Variants in GALNT17 observed in about 807,000 individuals in gnomAD.
The protein encoded by GALNT17 is UDP-GalNAc:polypeptide N-acetylgalactosaminyltransferase-like 3.
In GALNT17, 29 loss-of-function variants were observed where a neutral mutation model predicts 63.7. The observed-to-expected ratio is 0.46, with a 90% CI of 0.34 to 0.62. GALNT17 has a LOEUF of 0.62. GALNT17 is among the 20% of genes least tolerant of loss of function. GALNT17 has a pLI of 0.01. For missense variants in GALNT17, 603 were observed against 799.6 expected (o/e 0.75, Z 2.97); for synonymous variants, 305 against 318.3 (o/e 0.96, Z 0.45).
intron 1 of GALNT17, among the ~76,000 whole-genome samples, chr7:71,189,402 G>A (rs1026823631): frequency 6.6e-6 from 1 of 152,172 alleles, no homozygotes; most frequent in Non-Finnish European, 1.5e-5. Context: ...AGCTTTTCCG[G>A]GGGTCCTTCA....
intron 5 of GALNT17, among the ~76,000 whole-genome samples, chr7:71,566,941 C>T (rs1023715877): frequency 2.6e-5 from 4 of 152,110 alleles, no homozygotes; most frequent in African/African-American, 4.8e-5. Flanking sequence ...CTCAATCATC[C>T]GTGTGCATGG....
chr7:71,249,986 A>C (rs1345592334), intron 1 of GALNT17, among the ~76,000 whole-genome samples: 1 of 152,230 alleles, frequency 6.6e-6, no homozygotes, highest in East Asian at 1.9e-4. Context: ...AGGCGTTTAA[A>C]AGCCTAGAAA....
At chr7:71,482,376 C>T (rs1354605791) in intron 5 of GALNT17, among the ~76,000 whole-genome samples, 1 of 152,144 alleles carries the variant, frequency 6.6e-6, no homozygotes, top group South Asian at 2.1e-4. Context: ...CCTCCAACGC[C>T]TGACCTCATG....
chr7:71,578,622 G>A (rs796940774), intron 6 of GALNT17, among the ~76,000 whole-genome samples: 1 of 152,106 alleles, frequency 6.6e-6, no homozygotes, highest in South Asian at 2.1e-4. Context: ...GACCACAGCC[G>A]TGAGCCACTG....
intron 6 of GALNT17, among the ~76,000 whole-genome samples, chr7:71,578,976 A>C (rs1789583675): frequency 6.6e-6 from 1 of 152,202 alleles, no homozygotes; most frequent in Non-Finnish European, 1.5e-5. Context: ...AATTTGCTAC[A>C]TCCATTGAAT....
chr7:71,421,616 A>C (rs956803562), intron 5 of GALNT17, among the ~76,000 whole-genome samples: 1 of 151,996 alleles, frequency 6.6e-6, no homozygotes, highest in Non-Finnish European at 1.5e-5. Context: ...GGATATGGAG[A>C]TCAATATCTT....
intron 3 of GALNT17, among the ~76,000 whole-genome samples, chr7:71,409,051 C>T (rs375662663): frequency 6.7e-6 from 1 of 149,032 alleles, no homozygotes; most frequent in African/African-American, 2.5e-5. Flanking sequence ...CACACACACA[C>T]ATTTAAATAT....
intron 3 of GALNT17, among the ~76,000 whole-genome samples, chr7:71,395,331 T>G (rs1409875761): frequency 6.6e-6 from 1 of 152,232 alleles, no homozygotes; most frequent in Non-Finnish European, 1.5e-5. Flanking sequence ...AAATGAAATC[T>G]ACAACATGTG....
chr7:71,618,198 A>G (rs2867476), intron 6 of GALNT17, among the ~76,000 whole-genome samples: 17,837 of 152,164 alleles, frequency 0.12, 1,535 homozygotes, highest in East Asian at 0.49. Flanking sequence ...TATGTAACAC[A>G]TTTCCTTTAT....
At chr7:71,329,346 A>T (rs2116052702) in intron 1 of GALNT17, among the ~76,000 whole-genome samples, 1 of 152,254 alleles carries the variant, frequency 6.6e-6, no homozygotes, top group South Asian at 2.1e-4. Flanking sequence ...GTAGTCTTTT[A>T]GCTGTCTTTT....
chr7:71,591,353 C>T (rs1056270045), intron 6 of GALNT17, among the ~76,000 whole-genome samples: 11 of 152,128 alleles, frequency 7.2e-5, no homozygotes, highest in African/African-American at 2.7e-4. Context: ...ACCACCACGC[C>T]TGGCTCTAGG....
chr7:71,450,349 G>C (rs377487286), intron 5 of GALNT17, among the ~76,000 whole-genome samples: 3 of 151,908 alleles, frequency 2.0e-5, no homozygotes, highest in African/African-American at 7.2e-5. Context: ...TGGCCAGGCT[G>C]GTCTCGTCGC....
chr7:71,679,551 A>G (rs1032402374), intron 9 of GALNT17, among the ~76,000 whole-genome samples: 7 of 152,050 alleles, frequency 4.6e-5, no homozygotes, highest in African/African-American at 1.7e-4. Flanking sequence ...AAGGGGAGGG[A>G]CTAGAAAAGA....
chr7:71,380,152 TG>T (rs1310942788), intron 2 of GALNT17, among the ~76,000 whole-genome samples: 1 of 151,928 alleles, frequency 6.6e-6, no homozygotes, highest in African/African-American at 2.4e-5. Flanking sequence ...GTAGAGTAGA[TG>T]TCACTGGAAA....
intron 5 of GALNT17, among the ~76,000 whole-genome samples, chr7:71,525,496 G>A (rs998457329): frequency 4.0e-5 from 6 of 151,076 alleles, no homozygotes; most frequent in Non-Finnish European, 7.4e-5. Context: ...GTGAGCCACC[G>A]CACCCGGCCA....
At chr7:71,438,831 A>G (rs1437551782) in intron 5 of GALNT17, among the ~76,000 whole-genome samples, 1 of 152,018 alleles carries the variant, frequency 6.6e-6, no homozygotes, top group African/African-American at 2.4e-5. Flanking sequence ...TCATTGGATT[A>G]TCACTAATTT....
chr7:71,202,125 C>CA (rs1789185893), intron 1 of GALNT17, among the ~76,000 whole-genome samples: 1 of 151,976 alleles, frequency 6.6e-6, no homozygotes, highest in African/African-American at 2.4e-5. Context: ...TTTTTTCTCT[C>CA]GTTTTTTTCT....
At chr7:71,245,632 G>C (rs2116477363) in intron 1 of GALNT17, among the ~76,000 whole-genome samples, 1 of 152,270 alleles carries the variant, frequency 6.6e-6, no homozygotes, top group East Asian at 1.9e-4. Flanking sequence ...GTGGACACTG[G>C]GGACTGAACT....
chr7:71,494,131 G>A (rs1788055655), intron 5 of GALNT17, among the ~76,000 whole-genome samples: 1 of 151,780 alleles, frequency 6.6e-6, no homozygotes, highest in South Asian at 2.1e-4. Context: ...AAGGTGAAGG[G>A]GAAGCAAACT....
Sources: gnomAD v4.1 joint callset for allele counts (sites outside exome capture counted in the v4.1 genomes callset) on GRCh38, gnomAD v4.1.1 for gene constraint, MANE v1.5 for transcripts, NCBI Gene and HGNC (gene_info 2026-07-23, HGNC 2026-07-21) for gene names.